TENM1: variants seen among roughly 807,000 people sequenced by gnomAD.
TENM1 encodes the protein teneurin transmembrane protein 1.
Under a neutral mutation model 174.8 loss-of-function variants are expected in TENM1, and 35 were observed. The ratio of observed to expected loss-of-function variants is 0.20; its 90% confidence interval spans 0.15 to 0.27. The LOEUF (loss-of-function observed/expected upper bound fraction) is 0.27, where lower values mean the gene tolerates loss of function less well. Among genes scored for constraint, TENM1 ranks in the 10% least tolerant of loss-of-function variants. The probability of loss-of-function intolerance (pLI) is 1.00; values close to 1 mark genes in which losing one functional copy is unlikely to be tolerated. For synonymous variants in TENM1, 781 were observed against 798.7 expected, an observed-to-expected ratio of 0.98 and a Z score of 0.37; for missense variants, 1,633 against 2,130.1, an observed-to-expected ratio of 0.77 and a Z score of 4.59.
intron 1 of TENM1, among the ~76,000 whole-genome samples, chrX:124,914,851 C>G (rs1302345889): frequency 8.9e-6 from 1 of 111,766 alleles, no homozygotes; most frequent in Non-Finnish European, 1.9e-5. Context: ...ACATCACCTC[C>G]CTTCAGTATA....
At chrX:124,719,097 C>T (rs942827921) in intron 4 of TENM1, among the ~76,000 whole-genome samples, 6 of 111,245 alleles carry the variant, frequency 5.4e-5, no homozygotes, top group East Asian at 2.8e-4. Flanking sequence ...CCAATTGGAA[C>T]GTGAAGTTTT....
At chrX:125,056,822 T>C in the TENM1 span, among the ~76,000 whole-genome samples, 2 of 111,952 alleles carry the variant, frequency 1.8e-5, no homozygotes, top group Non-Finnish European at 3.8e-5. Context: ...CATTGATAAT[T>C]ATCTGTAATG....
the TENM1 span, among the ~76,000 whole-genome samples, chrX:125,032,191 C>T: frequency 3.8e-5 from 4 of 106,277 alleles, no homozygotes; most frequent in East Asian, 3.0e-4. Flanking sequence ...TTTTTTGAGA[C>T]GAAGTTTTGC....
At chrX:124,492,118 C>T (rs1040045396) in intron 20 of TENM1, among the ~76,000 whole-genome samples, 2 of 111,863 alleles carry the variant, frequency 1.8e-5, no homozygotes, top group Middle Eastern at 4.6e-3. Flanking sequence ...CTATAAGGCT[C>T]TCTATCCCAT....
chrX:124,986,029 A>G, the TENM1 span, among the ~76,000 whole-genome samples: 1 of 111,984 alleles, frequency 8.9e-6, no homozygotes, highest in Non-Finnish European at 1.9e-5. Flanking sequence ...GCTGACACAC[A>G]GGGAAATATA....
At chrX:124,966,616 C>G (rs1449686229), upstream of TENM1, among the ~76,000 whole-genome samples, 1 of 105,062 alleles carries the variant, frequency 9.5e-6, no homozygotes, top group Non-Finnish European at 1.9e-5. Context: ...GAGCCGAGAT[C>G]GCGCCACTGC....
chrX:124,784,929 T>A (rs1039770334), intron 3 of TENM1, among the ~76,000 whole-genome samples: 6 of 111,518 alleles, frequency 5.4e-5, no homozygotes, highest in African/African-American at 2.0e-4. Context: ...ATTCTAATAA[T>A]AAATTGAATT....
chrX:124,383,601 A>G, intron 30 of TENM1, 33 bp downstream of exon 33: 1 of 1,153,753 alleles, frequency 8.7e-7, no homozygotes, highest in Non-Finnish European at 1.2e-6. Context: ...GAGTTACTCA[A>G]GTTTAGCTTA....
At chrX:124,405,168 G>C in exon 27 of TENM1, 1 of 1,211,605 alleles carries the variant, frequency 8.3e-7, no homozygotes, top group Non-Finnish European at 1.1e-6. Context: ...GCCCCTGCCA[G>C]GATGTGGGGC....
At chrX:125,113,869 A>T in the TENM1 span, among the ~76,000 whole-genome samples, 1 of 110,939 alleles carries the variant, frequency 9.0e-6, no homozygotes, top group Non-Finnish European at 1.9e-5. Flanking sequence ...GAAAATTAAC[A>T]AGGATGTTCA....
At chrX:124,596,667 G>A (rs376537274) in intron 11 of TENM1, among the ~76,000 whole-genome samples, 2 of 111,537 alleles carry the variant, frequency 1.8e-5, no homozygotes, top group East Asian at 2.8e-4. Flanking sequence ...AATATGTGTC[G>A]TAAGGAGAGT....
chrX:125,066,979 G>A, the TENM1 span, among the ~76,000 whole-genome samples: 105 of 111,358 alleles, frequency 9.4e-4, no homozygotes, highest in African/African-American at 3.4e-3. Flanking sequence ...GTGTAAGATC[G>A]AGCAGAAAAG....
chrX:125,163,752 T>C, the TENM1 span, among the ~76,000 whole-genome samples: 4 of 111,709 alleles, frequency 3.6e-5, no homozygotes, highest in African/African-American at 1.3e-4. Flanking sequence ...AATTTTTAAT[T>C]TATACATTAA....
intron 20 of TENM1, among the ~76,000 whole-genome samples, 191 bp from the exon 24 acceptor site, chrX:124,487,420 C>A (rs908627686): frequency 1.8e-5 from 2 of 112,208 alleles, no homozygotes; most frequent in Non-Finnish European, 3.8e-5. Context: ...GCTTTGCCTC[C>A]TAAGATGGTG....
At chrX:125,202,323 C>T in the TENM1 span, among the ~76,000 whole-genome samples, 97 of 112,126 alleles carry the variant, frequency 8.7e-4, 1 homozygote, top group African/African-American at 3.1e-3. Context: ...TCGTCACAAA[C>T]GCGATCAATT....
intron 25 of TENM1, among the ~76,000 whole-genome samples, chrX:124,419,436 T>TA (rs1010519749): frequency 1.1e-4 from 12 of 111,737 alleles, no homozygotes; most frequent in Non-Finnish European, 1.7e-4. Flanking sequence ...AGTATACTGG[T>TA]AAAAAACTCA....
At chrX:124,853,076 A>G (rs2056752379) in intron 3 of TENM1, among the ~76,000 whole-genome samples, 1 of 112,062 alleles carries the variant, frequency 8.9e-6, no homozygotes, top group Non-Finnish European at 1.9e-5. Context: ...GTTTTAGTTG[A>G]TAAGAATTCA....
At chrX:124,458,863 A>T (rs1322137176) in intron 22 of TENM1, among the ~76,000 whole-genome samples, 1 of 112,163 alleles carries the variant, frequency 8.9e-6, no homozygotes, top group Admixed American at 9.4e-5. Context: ...AAATCCACCA[A>T]CCACTATTTT....
exon 32 of TENM1, chrX:124,378,953 G>C (rs1363787205): frequency 8.9e-6 from 1 of 112,439 alleles, no homozygotes; most frequent in Middle Eastern, 4.6e-3. Context: ...TGAAAGTGCA[G>C]AAGCTGGCTC....
Sources: gnomAD v4.1 joint callset for allele counts (sites outside exome capture counted in the v4.1 genomes callset) on GRCh38, gnomAD v4.1.1 for gene constraint, MANE v1.5 for transcripts, NCBI Gene and HGNC (gene_info 2026-07-23, HGNC 2026-07-21) for gene names.